Variants in AK8 observed in about 807,000 individuals in gnomAD.
AK8 encodes ATP-AMP transphosphorylase 8.
A neutral mutation model predicts 54.6 loss-of-function variants in AK8; 44 were observed. The observed-to-expected ratio is 0.81, with a 90% CI of 0.63 to 1.04. The LOEUF (loss-of-function observed/expected upper bound fraction) is 1.04, where lower values mean the gene tolerates loss of function less well. Ranked by LOEUF, AK8 falls within the 50% of genes least tolerant of loss-of-function variation. AK8 has a pLI of 0.00. For missense variants in AK8, 555 were observed against 613.6 expected (o/e 0.90, Z 1.01); for synonymous variants, 239 against 245.6 (o/e 0.97, Z 0.25).
chr9:132,802,473 C>A (rs1840506381), intron 10 of AK8, among the ~76,000 whole-genome samples: 1 of 152,220 alleles, frequency 6.6e-6, no homozygotes, highest in South Asian at 2.1e-4. Flanking sequence ...CCACCCCAAC[C>A]ACTGCCGCCC....
chr9:132,828,335 C>A (rs1428302164), intron 6 of AK8, among the ~76,000 whole-genome samples: 1 of 152,258 alleles, frequency 6.6e-6, no homozygotes, highest in Non-Finnish European at 1.5e-5. Flanking sequence ...TCCCTCGTCA[C>A]AGATAACGCC....
chr9:132,725,782 G>C lies in AK8; in HGVS notation c.1346C>G (p.Ser449Trp), dbSNP rs139142699. ...CTGGTCCCCATTGAGGGTGATGGCC[G>C]ACCCATACAACTGCTCCAAGTCAGC... ...NSADLEQLYG[S>W]AITLNGDQDP... Residue 449 changes from serine (S) to tryptophan (W), a missense_variant, in exon 13 of 13, where the codon TCG becomes TGG. Physicochemically the swap from Ser to Trp is radical, Grantham distance 177. Coordinates refer to ENST00000298545, the MANE Select transcript of AK8 (RefSeq NM_152572.3). 6 of 1,602,036 alleles carry C rather than the reference G, an allele frequency of 3.7e-6. No individual in the cohort carries two copies. The African/African-American group carries it at 8.0e-5, about 21-fold the overall frequency.
chr9:132,782,813 A>C (rs759850334), intron 11 of AK8, among the ~76,000 whole-genome samples: 8 of 152,232 alleles, frequency 5.3e-5, no homozygotes, highest in Non-Finnish European at 1.0e-4. Context: ...TGGTCCCTGG[A>C]ATTTCACAGG....
intron 4 of AK8, among the ~76,000 whole-genome samples, chr9:132,855,846 C>G (rs556684264): frequency 6.6e-6 from 1 of 152,266 alleles, no homozygotes; most frequent in East Asian, 1.9e-4. Context: ...AAAGAGGAGT[C>G]GCCCTCTTGC....
intron 10 of AK8, among the ~76,000 whole-genome samples, chr9:132,812,535 A>ACTGGGATGACGGGTGAGCCGCCGCGCCCC (rs1841094396): frequency 1.4e-5 from 2 of 147,198 alleles, no homozygotes; most frequent in Non-Finnish European, 3.1e-5. Flanking sequence ...TACCGTGCCC[A>ACTGGGATGACGGGTGAGCCGCCGCGCCCC]CTGGGATGAC....
chr9:132,855,282 C>T (rs577637234), intron 4 of AK8, among the ~76,000 whole-genome samples: 1 of 152,320 alleles, frequency 6.6e-6, no homozygotes, highest in East Asian at 1.9e-4. Flanking sequence ...TCCCGTGCTC[C>T]ATCATCCTGG....
intron 3 of AK8, among the ~76,000 whole-genome samples, chr9:132,865,752 G>A (rs532211566): frequency 1.6e-4 from 24 of 151,912 alleles, no homozygotes; most frequent in East Asian, 5.8e-4. Context: ...GGCGGAGGTC[G>A]CAGTGAGCCG....
intron 11 of AK8, among the ~76,000 whole-genome samples, chr9:132,759,263 T>C (rs1410193058): frequency 6.6e-6 from 1 of 151,774 alleles, no homozygotes; most frequent in Non-Finnish European, 1.5e-5. Context: ...CAGAATTCTA[T>C]GATCTGTTCC....
intron 11 of AK8, among the ~76,000 whole-genome samples, chr9:132,740,712 C>CT (rs1039836241): frequency 4.6e-5 from 5 of 108,330 alleles, no homozygotes; most frequent in Non-Finnish European, 6.7e-5. Context: ...GAGCTGAGCA[C>CT]CCCCCCGCCC....
chr9:132,876,420 T>G (rs1844102958), intron 1 of AK8, among the ~76,000 whole-genome samples: 1 of 151,928 alleles, frequency 6.6e-6, no homozygotes, highest in Non-Finnish European at 1.5e-5. Flanking sequence ...TTTAATTTTT[T>G]AAAAGGTGAG....
chr9:132,804,713 G>A (rs192718461), intron 10 of AK8, among the ~76,000 whole-genome samples: 12 of 152,312 alleles, frequency 7.9e-5, no homozygotes, highest in South Asian at 2.1e-4. Flanking sequence ...TGAAGCTGCA[G>A]GGCGTGGTCC....
upstream of AK8, chr9:132,878,769 C>G (rs2231404): frequency 2.6e-4 from 253 of 985,732 alleles, no homozygotes; most frequent in Middle Eastern, 2.1e-3. This position sits in a 1 kb window ranked among gnomAD's most constrained non-coding sequence, Gnocchi z 4.7. Context: ...CTCCTAGAGT[C>G]GAGCCCCGGT....
chr9:132,734,234 A>G (rs1035753590), intron 11 of AK8, among the ~76,000 whole-genome samples: 2 of 152,186 alleles, frequency 1.3e-5, no homozygotes, highest in Non-Finnish European at 2.9e-5. Context: ...CAAAACCTCC[A>G]GGTGAGGGGC....
intron 4 of AK8, among the ~76,000 whole-genome samples, chr9:132,857,009 A>AGAAT (rs1037238280): frequency 6.6e-6 from 1 of 152,174 alleles, no homozygotes; most frequent in Non-Finnish European, 1.5e-5. Context: ...AGGGAGAGAC[A>AGAAT]GAATGAATGA....
chr9:132,760,221 T>C (rs1642633479), intron 11 of AK8, among the ~76,000 whole-genome samples: 1 of 152,046 alleles, frequency 6.6e-6, no homozygotes, highest in Non-Finnish European at 1.5e-5. Flanking sequence ...TCTTGCTGTG[T>C]TGCCCAGGCT....
intron 11 of AK8, among the ~76,000 whole-genome samples, chr9:132,780,866 C>G (rs1839435416): frequency 6.6e-6 from 1 of 152,122 alleles, no homozygotes; most frequent in African/African-American, 2.4e-5. Flanking sequence ...ACATCCTTTT[C>G]CGGGGATTTC....
chr9:132,796,930 A>G (rs990051212), intron 10 of AK8, among the ~76,000 whole-genome samples: 11 of 152,064 alleles, frequency 7.2e-5, no homozygotes, highest in African/African-American at 2.7e-4. Context: ...AATGCAACAC[A>G]AACCTGGCAG....
intron 11 of AK8, among the ~76,000 whole-genome samples, chr9:132,782,089 T>C (rs1839498679): frequency 6.6e-6 from 1 of 152,218 alleles, no homozygotes; most frequent in Non-Finnish European, 1.5e-5. Flanking sequence ...TGGCATTCTT[T>C]ACTAAGTCTT....
At chr9:132,833,178 A>C (rs1240189753) in intron 5 of AK8, among the ~76,000 whole-genome samples, 3 of 152,342 alleles carry the variant, frequency 2.0e-5, no homozygotes, top group East Asian at 3.9e-4. Context: ...TGAAAGCTGC[A>C]GGCTTGGGGC....
Sources: gnomAD v4.1 joint callset for allele counts (sites outside exome capture counted in the v4.1 genomes callset) on GRCh38, gnomAD v4.1.1 for gene constraint, Gnocchi (gnomAD v3.1) non-coding constraint, MANE v1.5 for transcripts, NCBI Gene and HGNC (gene_info 2026-07-23, HGNC 2026-07-21) for gene names.